Variants in RBM20 observed in about 807,000 individuals in gnomAD.
RBM20 encodes RNA-binding protein 20.
A neutral mutation model predicts 110.1 loss-of-function variants in RBM20; 51 were observed. The observed-to-expected ratio is 0.46, with a 90% CI of 0.37 to 0.59. The LOEUF (loss-of-function observed/expected upper bound fraction) is 0.59, where lower values mean the gene tolerates loss of function less well. RBM20 is among the 20% of genes least tolerant of loss of function. The probability of loss-of-function intolerance (pLI) is 0.00; values close to 1 mark genes in which losing one functional copy is unlikely to be tolerated. For missense variants in RBM20, 1,512 were observed against 1,574.9 expected (o/e 0.96, Z 0.68); for synonymous variants, 589 against 618.2 (o/e 0.95, Z 0.70).
intron 1 of RBM20, among the ~76,000 whole-genome samples, chr10:110,744,621 G>A (rs1843757496): frequency 6.6e-6 from 1 of 152,168 alleles, no homozygotes; most frequent in Non-Finnish European, 1.5e-5. Context: ...GTTTGAACAA[G>A]CCCTCCAGGT....
chr10:110,663,507 C>G (rs1040316789), intron 1 of RBM20, among the ~76,000 whole-genome samples: 3 of 152,028 alleles, frequency 2.0e-5, no homozygotes, highest in African/African-American at 7.3e-5. Context: ...AAGAATAAAC[C>G]AATAAAAATA....
intron 1 of RBM20, among the ~76,000 whole-genome samples, chr10:110,670,840 T>C (rs1862247098): frequency 6.6e-6 from 1 of 152,246 alleles, no homozygotes; most frequent in Non-Finnish European, 1.5e-5. Flanking sequence ...GTAATCTCTT[T>C]GTCAGATTGT....
rs570832682 is a variant in RBM20, at chr10:110,699,743, C to CTATA, written c.191+55107_191+55110dup. Among the ~76,000 whole-genome samples, 42 of 151,862 alleles carry CTATA rather than the reference C, an allele frequency of 2.8e-4. 1 individual carries two copies. In the East Asian group the frequency reaches 7.7e-3, roughly 28 times the overall value. ...CTGAAACTGCAAATAGTACTGAACC[C>CTATA]TATATATATATACTATGTTTTTTTC... On this transcript the variant is annotated intron_variant, in intron 1 of 13. Coordinates refer to ENST00000369519, the MANE Select transcript of RBM20 (RefSeq NM_001134363.3).
intron 5 of RBM20, among the ~76,000 whole-genome samples, chr10:110,793,553 G>A (rs1590683425): frequency 6.6e-6 from 1 of 152,218 alleles, no homozygotes; most frequent in African/African-American, 2.4e-5. Flanking sequence ...GCTGCACCAC[G>A]TGGGCAGGCA....
chr10:110,818,511 G>A (rs1381964938), intron 9 of RBM20, among the ~76,000 whole-genome samples: 1 of 152,228 alleles, frequency 6.6e-6, no homozygotes, highest in Non-Finnish European at 1.5e-5. Context: ...GTGAGCTGCT[G>A]TGGGCAGCTG....
chr10:110,803,547 G>C (rs973106501), intron 7 of RBM20, among the ~76,000 whole-genome samples: 3 of 152,128 alleles, frequency 2.0e-5, no homozygotes, highest in African/African-American at 7.2e-5. Context: ...GCTGCTGCTG[G>C]TGGTCCTCGG....
chr10:110,647,527 TA>T (rs1220754531), intron 1 of RBM20, among the ~76,000 whole-genome samples: 44 of 152,296 alleles, frequency 2.9e-4, no homozygotes, highest in African/African-American at 1.1e-3. Context: ...TTATTGTATA[TA>T]AAACACGATT....
chr10:110,788,159 A>T (rs912407358), intron 5 of RBM20, among the ~76,000 whole-genome samples: 1 of 152,076 alleles, frequency 6.6e-6, no homozygotes, highest in African/African-American at 2.4e-5. Flanking sequence ...CTCTGCGAGG[A>T]TCTGAGGGGT....
chr10:110,690,251 T>A (rs1006382772), intron 1 of RBM20, among the ~76,000 whole-genome samples: 1 of 151,990 alleles, frequency 6.6e-6, no homozygotes. Flanking sequence ...ACTAAAAAAA[T>A]TTAAATTAGC....
intron 1 of RBM20, among the ~76,000 whole-genome samples, chr10:110,684,940 G>A (rs982569834): frequency 1.3e-5 from 2 of 152,206 alleles, no homozygotes; most frequent in African/African-American, 4.8e-5. Flanking sequence ...GAGAACTGCT[G>A]GTGAAACAGC....
chr10:110,728,661 T>A (rs947142), intron 1 of RBM20, among the ~76,000 whole-genome samples: 105,707 of 152,036 alleles, frequency 0.7, 37,185 homozygotes, highest in East Asian at 1. Context: ...AATGCTTCTC[T>A]TTTGTGTGGT....
intron 9 of RBM20, among the ~76,000 whole-genome samples, chr10:110,818,299 A>AAAC (rs1554843285): frequency 3.3e-5 from 5 of 151,144 alleles, no homozygotes; most frequent in Admixed American, 6.6e-5. Context: ...CTCAAAAAAA[A>AAAC]AAAAAAAACC....
intron 1 of RBM20, among the ~76,000 whole-genome samples, chr10:110,670,577 C>T (rs573409845): frequency 3.3e-5 from 5 of 152,292 alleles, no homozygotes; most frequent in African/African-American, 1.2e-4. Flanking sequence ...TCTAATACAG[C>T]GGCTGAGAAC....
At chr10:110,762,672 C>G (rs1051019851) in intron 1 of RBM20, among the ~76,000 whole-genome samples, 2 of 152,184 alleles carry the variant, frequency 1.3e-5, no homozygotes, top group Non-Finnish European at 2.9e-5. Flanking sequence ...TAGGCACGGT[C>G]CTCATCCTTC....
upstream of RBM20, among the ~76,000 whole-genome samples, chr10:110,643,528 ACT>A (rs1290828519): frequency 2.6e-5 from 4 of 152,176 alleles, no homozygotes; most frequent in Non-Finnish European, 5.9e-5. Flanking sequence ...TTGTCGGCGA[ACT>A]CTCTTTTCAT....
intron 1 of RBM20, among the ~76,000 whole-genome samples, chr10:110,779,649 G>A (rs1844311672): frequency 6.6e-6 from 1 of 152,160 alleles, no homozygotes; most frequent in Admixed American, 6.5e-5. Flanking sequence ...CAACCTGTGG[G>A]ATCTGACGCT....
rs1030984940 is a variant in RBM20 at position 110,684,075 on chromosome 10, T to G, written c.191+39430T>G. On this transcript the variant is annotated intron_variant, in intron 1 of 13. Coordinates refer to ENST00000369519, the MANE Select transcript of RBM20 (RefSeq NM_001134363.3). ...AGTCATGGAAATAATTTTTCTACAG[T>G]GTCAAGGAAAACATTGACAGACAAG... Among the ~76,000 whole-genome samples the G allele has an allele frequency of 2.0e-5, 3 of 152,218 alleles. No homozygotes were observed. The East Asian group carries it at 5.8e-4, about 29-fold the overall frequency.
intron 13 of RBM20, among the ~76,000 whole-genome samples, chr10:110,832,697 C>G (rs142957439): frequency 6.6e-6 from 1 of 152,348 alleles, no homozygotes; most frequent in East Asian, 1.9e-4. Flanking sequence ...TCTTTTTACT[C>G]TACTATACTT....
In RBM20 at chr10:110,781,816, C is replaced by A; in HGVS notation, c.1207C>A (p.His403Asn). 6.4e-7 allele frequency: 1 copy of A among 1,551,784 alleles called. No homozygotes were observed. Reference protein sequence around the residue: ...PLQAHELNDFHGVAPLHLPHI... With the variant: ...PLQAHELNDFNGVAPLHLPHI... ...GCAGGCTCATGAGCTGAACGACTTT[C>A]ACGGTGTGGCCCCCCTCCACTTGCC... The change falls in exon 2 of 14, where the codon CAC becomes AAC. Residue 403 changes from histidine (H) to asparagine (N), a missense_variant. Physicochemically the swap from His to Asn is moderately conservative, Grantham distance 68. Coordinates refer to ENST00000369519, the MANE Select transcript of RBM20 (RefSeq NM_001134363.3).
Sources: gnomAD v4.1 joint callset for allele counts (sites outside exome capture counted in the v4.1 genomes callset) on GRCh38, gnomAD v4.1.1 for gene constraint, MANE v1.5 for transcripts, NCBI Gene and HGNC (gene_info 2026-07-23, HGNC 2026-07-21) for gene names.